OTOA: variants seen among roughly 807,000 people sequenced by gnomAD.
OTOA encodes otoancorin.
Under a neutral mutation model 110.8 loss-of-function variants are expected in OTOA, and 70 were observed. The ratio of observed to expected loss-of-function variants is 0.63; its 90% confidence interval spans 0.52 to 0.77. OTOA has a LOEUF of 0.77. Ranked by LOEUF, OTOA falls within the 30% of genes least tolerant of loss-of-function variation. The pLI is 0.00. For synonymous variants in OTOA, 373 were observed against 431.5 expected (o/e 0.86, Z 1.68); for missense variants, 917 against 1,075.8 (o/e 0.85, Z 2.06).
At chr16:21,714,215 TTCTC>T (rs917575539) in intron 13 of OTOA, among the ~76,000 whole-genome samples, 12 of 151,678 alleles carry the variant, frequency 7.9e-5, no homozygotes, top group East Asian at 1.9e-4. Context: ...TTCTCTTTCT[TTCTC>T]TCTCTCTCTT....
chr16:21,685,042 G>T (rs543571225), intron 6 of OTOA, among the ~76,000 whole-genome samples, 188 bp from the exon 7 acceptor site: 1 of 152,104 alleles, frequency 6.6e-6, no homozygotes, highest in Admixed American at 6.6e-5. Flanking sequence ...GAGCCACCGC[G>T]CCCGGCCCCT....
At chr16:21,695,877 A>ATT (rs1393276647) in intron 9 of OTOA, among the ~76,000 whole-genome samples, 13 of 34,690 alleles carry the variant, frequency 3.7e-4, no homozygotes, top group Non-Finnish European at 5.7e-4. Flanking sequence ...ATATATATAT[A>ATT]TATATATATA....
intron 7 of OTOA, among the ~76,000 whole-genome samples, chr16:21,685,563 A>AT (rs1897698313): frequency 6.6e-6 from 1 of 151,916 alleles, no homozygotes; most frequent in South Asian, 2.1e-4. Flanking sequence ...GAGCCTTACA[A>AT]TTTTTTATTT....
chr16:21,682,742 A>G (rs1321318989), intron 6 of OTOA, among the ~76,000 whole-genome samples: 1 of 151,314 alleles, frequency 6.6e-6, no homozygotes, highest in Non-Finnish European at 1.5e-5. Context: ...AAGACCATTT[A>G]TGTCATTAAT....
chr16:21,709,753 C>T (rs758116883), intron 12 of OTOA, 135 bp from the exon 13 acceptor site: 18 of 785,988 alleles, frequency 2.3e-5, no homozygotes, highest in Non-Finnish European at 3.5e-5. Flanking sequence ...TTTCCTTCAT[C>T]GTTTCTGAGC....
chr16:21,671,056 C>T (rs1414020583), intron 1 of OTOA, among the ~76,000 whole-genome samples: 2 of 151,878 alleles, frequency 1.3e-5, no homozygotes, highest in East Asian at 3.9e-4. Flanking sequence ...TGGGGAGAGG[C>T]GGAGGGTGAC....
At chr16:21,671,357 T>G (rs1234438295) in intron 1 of OTOA, among the ~76,000 whole-genome samples, 1 of 151,130 alleles carries the variant, frequency 6.6e-6, no homozygotes, top group East Asian at 1.9e-4. Context: ...GAGGCCAAAG[T>G]GGGTGGATCA....
intron 6 of OTOA, among the ~76,000 whole-genome samples, chr16:21,683,249 A>G (rs558577918): frequency 1.3e-5 from 2 of 152,310 alleles, no homozygotes; most frequent in East Asian, 3.9e-4. Context: ...AGCTGGCACT[A>G]TTGAGCACTT....
At chr16:21,696,570 TATC>T (rs1306933557) in intron 9 of OTOA, among the ~76,000 whole-genome samples, 5 of 152,148 alleles carry the variant, frequency 3.3e-5, no homozygotes, top group South Asian at 4.1e-4. Flanking sequence ...GCCAGATTAT[TATC>T]ATTATTATTA....
intron 13 of OTOA, among the ~76,000 whole-genome samples, chr16:21,711,013 AAAC>A (rs1011395206): frequency 3.9e-5 from 6 of 152,166 alleles, no homozygotes; most frequent in Non-Finnish European, 2.9e-5. Flanking sequence ...AAAAAAAATT[AAAC>A]AACAACAACA....
rs987715040 is a variant in OTOA, at chr16:21,667,573, C to G, written c.-5+3341C>G. The stretch of plus-strand genomic sequence containing the variant: ...GGAGGCTGAGGCATGGTAACCCCAG[C>G]GTGGGTAACAGAGAGAGACTCTGTC... On this transcript the variant is annotated intron_variant, in intron 1 of 28. Transcript: ENST00000646100. Among the ~76,000 whole-genome samples the G allele has an allele frequency of 4.7e-5, 7 of 150,100 alleles. 1 individual carries two copies. The highest frequency in any genetic ancestry group is 3.4e-3 in the Middle Eastern group (1 of 290).
chr16:21,664,717 A>T (rs1438753856), intron 1 of OTOA, among the ~76,000 whole-genome samples: 1 of 152,128 alleles, frequency 6.6e-6, no homozygotes, highest in African/African-American at 2.4e-5. Flanking sequence ...CACACCTGTA[A>T]TCCCAGCACT....
chr16:21,672,262 C>T (rs1205508796), intron 1 of OTOA, among the ~76,000 whole-genome samples: 1 of 152,036 alleles, frequency 6.6e-6, no homozygotes, highest in East Asian at 1.9e-4. Context: ...TATTCCTTTT[C>T]CTATGCATAT....
At chr16:21,695,891 A>ATATATATATATATATATATATGTATTTT (rs569493650) in intron 9 of OTOA, among the ~76,000 whole-genome samples, 1 of 41,904 alleles carries the variant, frequency 2.4e-5, no homozygotes, top group African/African-American at 1.5e-4. Context: ...ATATATATAT[A>ATATATATATATATATATATATGTATTTT]TTTTTTTTTT....
At chr16:21,686,438 A>G in intron 7 of OTOA, among the ~76,000 whole-genome samples, 1 of 151,956 alleles carries the variant, frequency 6.6e-6, no homozygotes, top group Middle Eastern at 3.2e-3. Context: ...ACAGGTGCGC[A>G]TTAGCACACC....
intron 17 of OTOA, among the ~76,000 whole-genome samples, chr16:21,722,544 A>T (rs1402438137): frequency 6.6e-6 from 1 of 151,830 alleles, no homozygotes; most frequent in African/African-American, 2.4e-5. Context: ...ATTTAGTGTT[A>T]ATATATATAT....
intron 21 of OTOA, among the ~76,000 whole-genome samples, chr16:21,731,571 G>T (rs951926533): frequency 3.3e-5 from 5 of 152,224 alleles, no homozygotes; most frequent in African/African-American, 1.2e-4. Context: ...CCAAAAAAGG[G>T]AAGGGATAAG....
At chr16:21,732,383 T>C (rs1250825191) in intron 21 of OTOA, among the ~76,000 whole-genome samples, 4 of 152,156 alleles carry the variant, frequency 2.6e-5, no homozygotes, top group African/African-American at 7.2e-5. Flanking sequence ...TGGTGTTTGG[T>C]TACATGAGTA....
intron 17 of OTOA, chr16:21,721,241 AC>A: frequency 7.2e-6 from 3 of 417,988 alleles, no homozygotes; most frequent in South Asian, 5.1e-5. Context: ...TTACACACAC[AC>A]ACACACACAC....
Sources: allele counts gnomAD v4.1 joint callset (sites outside exome capture counted in the v4.1 genomes callset), GRCh38; gene constraint gnomAD v4.1.1; transcripts MANE v1.5; gene names NCBI Gene and HGNC (gene_info 2026-07-23, HGNC 2026-07-21).